The following FOXP2 variants were observed in gnomAD, a reference collection of about 807,000 sequenced individuals.
The protein encoded by FOXP2 is forkhead box protein P2.
In FOXP2, 12 loss-of-function variants were observed where a neutral mutation model predicts 115.8. The ratio of observed to expected loss-of-function variants is 0.10; its 90% CI spans 0.07 to 0.17. The LOEUF is 0.17. FOXP2 is among the 10% of genes least tolerant of loss of function. The pLI is 1.00. For synonymous variants in FOXP2, 328 were observed against 297.7 expected, an observed-to-expected ratio of 1.10 and a Z score of -1.05; for missense variants, 629 against 843.5, an observed-to-expected ratio of 0.75 and a Z score of 3.15.
At chr7:114,404,195 T>C (rs1040824240) in intron 2 of FOXP2, among the ~76,000 whole-genome samples, 31 of 152,112 alleles carry the variant, frequency 2.0e-4, no homozygotes, top group Middle Eastern at 3.2e-3. Flanking sequence ...ATTATGACTT[T>C]ACAATTTTGT....
chr7:114,176,308 CTCTCTCTCTCTCTTTCTTTTTCTTTCTT>C (rs1562992981), intron 1 of FOXP2, among the ~76,000 whole-genome samples: 2 of 144,170 alleles, frequency 1.4e-5, no homozygotes, highest in African/African-American at 5.5e-5. Flanking sequence ...TTCTCTCTCT[CTCTCTCTCTCTCTTTCTTTTTCTTTCTT>C]TCTCTCTCTC....
chr7:114,641,307 T>C (rs1321824853), intron 6 of FOXP2, among the ~76,000 whole-genome samples: 1 of 152,230 alleles, frequency 6.6e-6, no homozygotes, highest in South Asian at 2.1e-4. Context: ...CTCAATACTT[T>C]ATTTCAAATT....
chr7:114,656,613 C>T (rs1294245582), intron 10 of FOXP2: 1 of 352,346 alleles, frequency 2.8e-6, no homozygotes, highest in Non-Finnish European at 5.8e-6. Context: ...CAAAGAATTC[C>T]CTACCCAGTC....
intron 2 of FOXP2, among the ~76,000 whole-genome samples, chr7:114,371,225 C>T (rs1480360533): frequency 6.6e-6 from 1 of 151,288 alleles, no homozygotes; most frequent in Non-Finnish European, 1.5e-5. Context: ...GAACTAGAGG[C>T]ACATGCCACC....
At chr7:114,506,366 A>G (rs551345420) in intron 2 of FOXP2, among the ~76,000 whole-genome samples, 1 of 151,594 alleles carries the variant, frequency 6.6e-6, no homozygotes, top group East Asian at 1.9e-4. Context: ...ATGTCTTCAT[A>G]TTTTTTCATA....
chr7:114,580,783 AG>A (rs1488441073), intron 3 of FOXP2, among the ~76,000 whole-genome samples: 1 of 152,140 alleles, frequency 6.6e-6, no homozygotes, highest in Non-Finnish European at 1.5e-5. Flanking sequence ...CATAGGCAGT[AG>A]GAAGTTGAAA....
chr7:114,148,542 A>G (rs562665185), intron 1 of FOXP2, among the ~76,000 whole-genome samples: 27 of 152,280 alleles, frequency 1.8e-4, no homozygotes, highest in African/African-American at 6.0e-4. Flanking sequence ...AGGCAAGGTT[A>G]ATTTTGCATT....
intron 1 of FOXP2, among the ~76,000 whole-genome samples, chr7:114,267,111 C>T (rs992065209): frequency 3.3e-5 from 5 of 152,054 alleles, no homozygotes; most frequent in Non-Finnish European, 5.9e-5. Context: ...ATTCTGCATG[C>T]GCCAAATCCT....
intron 3 of FOXP2, among the ~76,000 whole-genome samples, chr7:114,570,058 C>A (rs1801213271): frequency 6.6e-6 from 1 of 151,740 alleles, no homozygotes; most frequent in Admixed American, 6.6e-5. Flanking sequence ...ATCCTTTTGC[C>A]CTTCAGACAA....
chr7:114,519,002 T>C (rs1798482490), intron 2 of FOXP2, among the ~76,000 whole-genome samples: 1 of 152,178 alleles, frequency 6.6e-6, no homozygotes, highest in South Asian at 2.1e-4. Context: ...CTAGTGCCTG[T>C]TATCTAACTC....
chr7:114,259,528 G>A (rs909802114), intron 1 of FOXP2, among the ~76,000 whole-genome samples: 1 of 152,128 alleles, frequency 6.6e-6, no homozygotes, highest in African/African-American at 2.4e-5. Flanking sequence ...CTTATTAGCC[G>A]TTGTTTACAG....
At chr7:114,214,896 A>G (rs1314017443) in intron 1 of FOXP2, among the ~76,000 whole-genome samples, 1 of 152,200 alleles carries the variant, frequency 6.6e-6, no homozygotes, top group Non-Finnish European at 1.5e-5. Context: ...TCAGAAATAT[A>G]AAAAGTGCTA....
At chr7:114,507,186 C>A (rs188633768) in intron 2 of FOXP2, among the ~76,000 whole-genome samples, 1 of 151,534 alleles carries the variant, frequency 6.6e-6, no homozygotes, top group African/African-American at 2.4e-5. Flanking sequence ...AACAAACTTT[C>A]GTATCAATAA....
intron 3 of FOXP2, among the ~76,000 whole-genome samples, chr7:114,578,221 A>T (rs1013293694): frequency 2.6e-5 from 4 of 151,964 alleles, no homozygotes; most frequent in African/African-American, 9.7e-5. Flanking sequence ...AGGCTGGAAA[A>T]CATACTTTTT....
chr7:114,381,512 G>C (rs1302779073), intron 2 of FOXP2, among the ~76,000 whole-genome samples: 7 of 152,210 alleles, frequency 4.6e-5, no homozygotes, highest in African/African-American at 1.7e-4. Context: ...GGTGAGTTGA[G>C]ACGTTGGGTT....
chr7:114,113,726 A>T (rs1791333606), intron 1 of FOXP2, among the ~76,000 whole-genome samples: 1 of 151,704 alleles, frequency 6.6e-6, no homozygotes, highest in African/African-American at 2.4e-5. Context: ...CTGGTCTCAC[A>T]CTCCTGGACC....
rs1584530856 is a variant in FOXP2, at chr7:114,184,838, A to G, written c.-102+21750A>G. 3.9e-5 allele frequency among the ~76,000 whole-genome samples: 6 copies of G among 152,318 alleles called. 1 individual carries two copies. Among genetic ancestry groups the G allele is most frequent in the Admixed American group, 3.9e-4 (6 of 15,294 alleles). ...TACATTCATATAATTTCATAAGTAG[A>G]TGACCTTAAACACATTTTACTAATG... On this transcript the variant is annotated intron_variant, in intron 1 of 17. Transcript: ENST00000634411.
At chr7:114,612,491 G>A (rs1406455021) in intron 3 of FOXP2, among the ~76,000 whole-genome samples, 3 of 116,636 alleles carry the variant, frequency 2.6e-5, no homozygotes, top group African/African-American at 3.9e-5. Context: ...ATGAGGCTCA[G>A]TAAGAGTTCA....
intron 8 of FOXP2, among the ~76,000 whole-genome samples, chr7:114,650,312 T>A (rs1297480529): frequency 6.6e-6 from 1 of 152,120 alleles, no homozygotes; most frequent in Non-Finnish European, 1.5e-5. Flanking sequence ...GTTCTACTTA[T>A]CTTGCTTCCT....
Sources: allele counts gnomAD v4.1 joint callset (sites outside exome capture counted in the v4.1 genomes callset), GRCh38; gene constraint gnomAD v4.1.1; transcripts MANE v1.5; gene names NCBI Gene and HGNC (gene_info 2026-07-23, HGNC 2026-07-21).